Variants in GABRA5 observed in about 807,000 individuals in gnomAD.
GABRA5 encodes the protein gamma-aminobutyric acid type A receptor subunit alpha5.
A neutral mutation model predicts 47.3 loss-of-function variants in GABRA5; 18 were observed. The ratio of observed to expected loss-of-function variants is 0.38; its 90% confidence interval spans 0.26 to 0.56. The LOEUF is 0.56. Among genes scored for constraint, GABRA5 ranks in the 20% least tolerant of loss-of-function variants. The pLI is 0.71. For missense variants in GABRA5, 365 were observed against 599.3 expected (o/e 0.61, Z 4.08); for synonymous variants, 237 against 229.3 (o/e 1.03, Z -0.30).
At chr15:26,877,754 G>T in intron 3 of GABRA5, 1 of 447,586 alleles carries the variant, frequency 2.2e-6, no homozygotes, top group South Asian at 1.6e-5. Flanking sequence ...GACATGTTTT[G>T]TAGAGAATAT....
At chr15:26,882,218 C>T (rs1892745296) in intron 4 of GABRA5, among the ~76,000 whole-genome samples, 1 of 152,190 alleles carries the variant, frequency 6.6e-6, no homozygotes, top group African/African-American at 2.4e-5. Context: ...CTCTCATCCT[C>T]TCTGCCTTCC....
Position 26,869,241 on chromosome 15 carries a change from T to C in GABRA5, c.-8T>C, listed in dbSNP as rs1442134918. 1 of 1,542,338 alleles carries C rather than the reference T, an allele frequency of 6.5e-7. No homozygotes were observed. Among genetic ancestry groups the C allele is most frequent in the Non-Finnish European group, 9.0e-7 (1 of 1,114,682 alleles). On this transcript the variant is annotated 5_prime_UTR_variant, in exon 3 of 11. Coordinates refer to ENST00000335625, the MANE Select transcript of GABRA5 (RefSeq NM_000810.4). ...ATTCACCTGCTTCAACTACTATTCT[T>C]ATTGGGAATGGACAATGGAATGTTC...
At chr15:26,937,875 C>A (rs1894285290) in intron 8 of GABRA5, among the ~76,000 whole-genome samples, 1 of 152,236 alleles carries the variant, frequency 6.6e-6, no homozygotes, top group South Asian at 2.1e-4. Flanking sequence ...AAACAGGATG[C>A]ATTGCATCTC....
At chr15:26,868,502 T>C (rs1892382377) in intron 1 of GABRA5, among the ~76,000 whole-genome samples, 1 of 152,220 alleles carries the variant, frequency 6.6e-6, no homozygotes, top group Non-Finnish European at 1.5e-5. Flanking sequence ...AGGTTAGTCG[T>C]TGAGCCCAGG....
intron 6 of GABRA5, among the ~76,000 whole-genome samples, chr15:26,902,336 C>T (rs1207383047): frequency 1.3e-5 from 2 of 151,710 alleles, no homozygotes; most frequent in South Asian, 4.2e-4. Flanking sequence ...CTTGTTTTTC[C>T]CCTAAATATT....
chr15:26,939,042 G>C (rs979604845), intron 8 of GABRA5, among the ~76,000 whole-genome samples: 3 of 152,276 alleles, frequency 2.0e-5, no homozygotes, highest in Non-Finnish European at 2.9e-5. Context: ...TTCTCCCCAC[G>C]TTCACAGTGC....
intron 6 of GABRA5, among the ~76,000 whole-genome samples, chr15:26,907,999 G>A (rs1893485874): frequency 1.3e-5 from 2 of 152,126 alleles, no homozygotes; most frequent in Admixed American, 1.3e-4. Context: ...GAAAAGTCTA[G>A]CCAGGCAGGA....
At position 26,869,231 on chromosome 15, in the gene GABRA5, C is replaced by T. The variant is rs992188657; in HGVS notation, c.-18C>T. The T allele has an allele frequency of 2.1e-6, 3 of 1,463,020 alleles. No homozygotes were observed. The African/African-American group carries it at 4.2e-5, about 20-fold the overall frequency. The allele number at this position is 1,463,020 out of a possible 1,614,324, so 90.6% of individuals were successfully genotyped here. A position where few individuals can be genotyped will look rare whatever the true frequency, so the allele number is the denominator to read the frequency against. The stretch of plus-strand genomic sequence containing the variant: ...ATTCCTCCATATTCACCTGCTTCAA[C>T]TACTATTCTTATTGGGAATGGACAA... On this transcript the variant is annotated 5_prime_UTR_variant, in exon 3 of 11. Transcript: ENST00000335625.
intron 6 of GABRA5, among the ~76,000 whole-genome samples, chr15:26,894,623 G>C (rs1181046670): frequency 2.0e-5 from 3 of 152,058 alleles, no homozygotes; most frequent in Non-Finnish European, 4.4e-5. Flanking sequence ...CTTGGCCTTC[G>C]TCATTCTTGG....
At chr15:26,937,432 C>T (rs985136956) in intron 8 of GABRA5, 104 bp downstream of exon 8, 31 of 1,195,472 alleles carry the variant, frequency 2.6e-5, no homozygotes, top group South Asian at 3.2e-5. Flanking sequence ...CGTGGGAGGC[C>T]GCACAGCAGC....
intron 6 of GABRA5, among the ~76,000 whole-genome samples, chr15:26,909,576 G>A (rs1440278497): frequency 3.3e-5 from 5 of 152,186 alleles, no homozygotes; most frequent in Non-Finnish European, 7.3e-5. Flanking sequence ...CTAGGGGAGA[G>A]GCTGTTTCTT....
intron 8 of GABRA5, among the ~76,000 whole-genome samples, chr15:26,938,540 TTAGAAG>T (rs1227162523): frequency 6.6e-6 from 1 of 152,216 alleles, no homozygotes; most frequent in Admixed American, 6.5e-5. Context: ...GCCAAAATAA[TTAGAAG>T]TAGGAGAGTA....
At chr15:26,895,826 A>AAAAAAAGAAG (rs1458730535) in intron 6 of GABRA5, among the ~76,000 whole-genome samples, 9 of 136,018 alleles carry the variant, frequency 6.6e-5, no homozygotes, top group South Asian at 2.4e-4. Context: ...AAAAAAAAAA[A>AAAAAAAGAAG]AAGAAGAAGA....
At chr15:26,905,355 A>G (rs2140284010) in intron 6 of GABRA5, among the ~76,000 whole-genome samples, 1 of 151,776 alleles carries the variant, frequency 6.6e-6, no homozygotes, top group Admixed American at 6.6e-5. Flanking sequence ...GATAGAAATC[A>G]CCTGTTTATG....
intron 6 of GABRA5, among the ~76,000 whole-genome samples, chr15:26,914,489 T>G (rs753283448): frequency 4.6e-5 from 7 of 152,202 alleles, no homozygotes; most frequent in Admixed American, 4.6e-4. Context: ...TTTATGATAA[T>G]GCTCAATAAG....
chr15:26,933,126 G>A (rs986843946), intron 7 of GABRA5, among the ~76,000 whole-genome samples: 2 of 151,870 alleles, frequency 1.3e-5, no homozygotes, highest in Non-Finnish European at 2.9e-5. Flanking sequence ...GTAGCAGGCA[G>A]TGTGAGTGAT....
At chr15:26,942,152 C>G (rs995402174) in intron 9 of GABRA5, among the ~76,000 whole-genome samples, 1 of 152,214 alleles carries the variant, frequency 6.6e-6, no homozygotes, top group Non-Finnish European at 1.5e-5. Flanking sequence ...TTGGGCACCT[C>G]GCTAAACACT....
At chr15:26,934,375 G>C (rs1407025741) in intron 7 of GABRA5, among the ~76,000 whole-genome samples, 1 of 152,076 alleles carries the variant, frequency 6.6e-6, no homozygotes, top group Non-Finnish European at 1.5e-5. Context: ...CCAAGAACCT[G>C]TTACATTCTA....
chr15:26,871,725 A>G (rs1367459457), intron 3 of GABRA5, among the ~76,000 whole-genome samples: 1 of 152,150 alleles, frequency 6.6e-6, no homozygotes, highest in Non-Finnish European at 1.5e-5. Context: ...TACCCAATAC[A>G]TGATCACAAT....
Sources: allele counts gnomAD v4.1 joint callset (sites outside exome capture counted in the v4.1 genomes callset), GRCh38; gene constraint gnomAD v4.1.1; transcripts MANE v1.5; gene names NCBI Gene and HGNC (gene_info 2026-07-23, HGNC 2026-07-21).